Variants in SKAP1 observed in about 807,000 individuals in gnomAD.
SKAP1 encodes src kinase-associated phosphoprotein 1.
In SKAP1, 44 loss-of-function variants were observed where a neutral mutation model predicts 58.5. That is an observed-to-expected ratio of 0.75 (90% CI 0.59 to 0.97). SKAP1 has a LOEUF of 0.97. Among genes scored for constraint, SKAP1 ranks in the 50% least tolerant of loss-of-function variants. The probability of loss-of-function intolerance (pLI) is 0.00; values close to 1 mark genes in which losing one functional copy is unlikely to be tolerated. For missense variants in SKAP1, 390 were observed against 435.2 expected, an observed-to-expected ratio of 0.90 and a Z score of 0.92; for synonymous variants, 127 against 149.7, an observed-to-expected ratio of 0.85 and a Z score of 1.11.
At chr17:48,424,514 C>T (rs1262652928) in intron 1 of SKAP1, among the ~76,000 whole-genome samples, 4 of 151,266 alleles carry the variant, frequency 2.6e-5, no homozygotes, top group Admixed American at 6.6e-5. Context: ...CGTGAGCCAC[C>T]GCGCCCGGCC....
chr17:48,160,159 C>T (rs1001879649), intron 11 of SKAP1, among the ~76,000 whole-genome samples: 10 of 152,154 alleles, frequency 6.6e-5, no homozygotes, highest in Non-Finnish European at 1.3e-4. Context: ...CAGAGTCTCA[C>T]TCTGTCACCC....
chr17:48,393,382 T>G (rs544963490), intron 2 of SKAP1, among the ~76,000 whole-genome samples: 1 of 152,244 alleles, frequency 6.6e-6, no homozygotes, highest in Non-Finnish European at 1.5e-5. Flanking sequence ...AGATAGCTAT[T>G]TTTTGTTTCT....
intron 8 of SKAP1, among the ~76,000 whole-genome samples, chr17:48,181,326 A>C (rs2064365971): frequency 1.3e-5 from 2 of 152,122 alleles, no homozygotes; most frequent in Non-Finnish European, 2.9e-5. Context: ...CAGCTCAATA[A>C]AGCTGCTTTG....
chr17:48,439,988 C>T, the SKAP1 span, among the ~76,000 whole-genome samples: 5 of 152,318 alleles, frequency 3.3e-5, no homozygotes, highest in Non-Finnish European at 7.4e-5. Flanking sequence ...CCCTTTTCTT[C>T]ATCTCTTCCC....
chr17:48,228,173 G>A (rs1295539008), intron 4 of SKAP1, among the ~76,000 whole-genome samples: 1 of 150,900 alleles, frequency 6.6e-6, no homozygotes, highest in Non-Finnish European at 1.5e-5. Context: ...GGGTGTGTGT[G>A]AGAGAGAGAG....
chr17:48,403,129 C>T (rs1202571092), intron 1 of SKAP1, among the ~76,000 whole-genome samples: 1 of 141,380 alleles, frequency 7.1e-6, no homozygotes, highest in Non-Finnish European at 1.5e-5. Flanking sequence ...TTTGGGAAGC[C>T]AAGGTAGGAG....
intron 11 of SKAP1, chr17:48,156,541 C>A: frequency 1.9e-6 from 1 of 517,456 alleles, no homozygotes. Flanking sequence ...CCAGAAAAAG[C>A]TGTTCAGAAA....
chr17:48,378,420 G>A (rs752590190), intron 2 of SKAP1, among the ~76,000 whole-genome samples: 6 of 152,068 alleles, frequency 3.9e-5, no homozygotes, highest in South Asian at 4.1e-4. Context: ...GGTAATGCAC[G>A]TAAAGAACCT....
At chr17:48,260,973 A>G (rs1292506206) in intron 4 of SKAP1, among the ~76,000 whole-genome samples, 1 of 152,176 alleles carries the variant, frequency 6.6e-6, no homozygotes, top group Non-Finnish European at 1.5e-5. Context: ...CAAAATCCAG[A>G]TACTCTAAAA....
chr17:48,229,579 C>T (rs993061284), intron 4 of SKAP1, among the ~76,000 whole-genome samples: 32 of 151,928 alleles, frequency 2.1e-4, no homozygotes, highest in African/African-American at 7.5e-4. Context: ...TGAGATCATG[C>T]CACTGCACTC....
chr17:48,221,249 A>G (rs747194196), intron 4 of SKAP1, among the ~76,000 whole-genome samples: 1 of 152,216 alleles, frequency 6.6e-6, no homozygotes, highest in Non-Finnish European at 1.5e-5. Flanking sequence ...CCTGGGTGAC[A>G]GAGTGAGACT....
intron 11 of SKAP1, among the ~76,000 whole-genome samples, chr17:48,161,857 T>C (rs1200439743): frequency 6.6e-6 from 1 of 152,248 alleles, no homozygotes; most frequent in African/African-American, 2.4e-5. Flanking sequence ...ATTATGTACA[T>C]AGTGATGACC....
At chr17:48,195,926 C>T (rs1306192021) in intron 4 of SKAP1, among the ~76,000 whole-genome samples, 1 of 152,034 alleles carries the variant, frequency 6.6e-6, no homozygotes, top group Non-Finnish European at 1.5e-5. Context: ...CTCTGAGGTT[C>T]TAGGTCAGTA....
chr17:48,179,229 T>C (rs117587690), intron 9 of SKAP1, among the ~76,000 whole-genome samples: 2 of 152,204 alleles, frequency 1.3e-5, no homozygotes, highest in Admixed American at 6.5e-5. Flanking sequence ...ACTGAACTCC[T>C]GGCAAATTTC....
chr17:48,376,934 G>A (rs2067157260), intron 2 of SKAP1, among the ~76,000 whole-genome samples: 2 of 152,172 alleles, frequency 1.3e-5, no homozygotes, highest in African/African-American at 4.8e-5. Flanking sequence ...CCTGGAAGGG[G>A]AGGGTCGGGT....
In SKAP1 at chr17:48,430,176, G is replaced by T; in HGVS notation, c.-56C>A. On this transcript the variant is annotated 5_prime_UTR_variant, in exon 1 of 13. Coordinates refer to ENST00000336915, the MANE Select transcript of SKAP1 (RefSeq NM_003726.4). The stretch of plus-strand genomic sequence containing the variant: ...CGCGGGCCCTGGTCGGGAGGCGGAC[G>T]GGCTGGAAGGCGACCCGGCTGCACC... 11 of 1,237,940 alleles carry T rather than the reference G, an allele frequency of 8.9e-6. No homozygotes were observed. The highest frequency in any genetic ancestry group is 1.1e-5 in the Non-Finnish European group (11 of 980,618). 76.7% of individuals were successfully genotyped at this position (1,237,940 alleles called of 1,614,324 possible).
intron 2 of SKAP1, among the ~76,000 whole-genome samples, chr17:48,372,587 G>C (rs1424136758): frequency 6.6e-6 from 1 of 152,202 alleles, no homozygotes; most frequent in Non-Finnish European, 1.5e-5. Flanking sequence ...TTACAGGCGT[G>C]AGCCACCATG....
chr17:48,379,887 T>C (rs1324440955), intron 2 of SKAP1, among the ~76,000 whole-genome samples: 1 of 152,150 alleles, frequency 6.6e-6, no homozygotes, highest in African/African-American at 2.4e-5. Context: ...TTTCACCGTA[T>C]TGGCCAGGCT....
chr17:48,430,187 C>T lies in SKAP1; in HGVS notation c.-67G>A. On this transcript the variant is annotated 5_prime_UTR_variant, in exon 1 of 13. Transcript: ENST00000336915. ...GTCGGGAGGCGGACGGGCTGGAAGG[C>T]GACCCGGCTGCACCGCGAGGCACCT... The T allele has an allele frequency of 2.5e-6, 3 of 1,222,254 alleles. No individual in the cohort carries two copies. The highest frequency in any genetic ancestry group is 3.1e-5 in the African/African-American group (2 of 63,866). The allele number at this position is 1,222,254 out of a possible 1,614,324, so 75.7% of individuals were successfully genotyped here. A position where few individuals can be genotyped will look rare whatever the true frequency, so the allele number is the denominator to read the frequency against.
Sources: allele counts gnomAD v4.1 joint callset (sites outside exome capture counted in the v4.1 genomes callset), GRCh38; gene constraint gnomAD v4.1.1; transcripts MANE v1.5; gene names NCBI Gene and HGNC (gene_info 2026-07-23, HGNC 2026-07-21).